Variants in TLN2 observed in about 807,000 individuals in gnomAD.
TLN2 encodes talin 2, also known as talin-2.
A neutral mutation model predicts 294.7 loss-of-function variants in TLN2; 118 were observed. The ratio of observed to expected loss-of-function variants is 0.40; its 90% CI spans 0.34 to 0.47. The LOEUF (loss-of-function observed/expected upper bound fraction) is 0.47, where lower values mean the gene tolerates loss of function less well. Ranked by LOEUF, TLN2 falls within the 20% of genes least tolerant of loss-of-function variation. TLN2 has a pLI of 0.84. For missense variants in TLN2, 3,083 were observed against 3,282.2 expected (o/e 0.94, Z 1.48); for synonymous variants, 1,431 against 1,304.5 (o/e 1.10, Z -2.09).
intron 24 of TLN2, among the ~76,000 whole-genome samples, chr15:62,718,009 C>G (rs957113493): frequency 6.6e-6 from 1 of 152,198 alleles, no homozygotes; most frequent in African/African-American, 2.4e-5. Flanking sequence ...TTCCAGAGTG[C>G]CTTTCTTTGA....
chr15:62,716,270 G>A, intron 22 of TLN2, 61 bp from the exon 23 acceptor site: 2 of 1,440,964 alleles, frequency 1.4e-6, no homozygotes, highest in Admixed American at 5.4e-5. Flanking sequence ...TAATACTGAA[G>A]GCATGAATTC....
chr15:62,751,384 A>G (rs1014972184), intron 34 of TLN2, among the ~76,000 whole-genome samples: 3 of 152,218 alleles, frequency 2.0e-5, no homozygotes, highest in African/African-American at 7.2e-5. Context: ...CTCATCCAGT[A>G]CCTTTTATGG....
At chr15:62,700,033 T>G (rs2058616945) in intron 16 of TLN2, among the ~76,000 whole-genome samples, 1 of 151,924 alleles carries the variant, frequency 6.6e-6, no homozygotes. Flanking sequence ...GAATGCTGAG[T>G]TTTTCATTTG....
At chr15:62,435,870 A>G (rs1045522977) in intron 1 of TLN2, among the ~76,000 whole-genome samples, 2 of 152,218 alleles carry the variant, frequency 1.3e-5, no homozygotes, top group Non-Finnish European at 1.5e-5. Context: ...GGAAATTAGC[A>G]TCTGTCACAT....
intron 52 of TLN2, among the ~76,000 whole-genome samples, chr15:62,816,180 C>T (rs1050857760): frequency 2.6e-5 from 4 of 152,182 alleles, no homozygotes; most frequent in African/African-American, 9.7e-5. Context: ...GATCTAATTT[C>T]GACAGAGCCA....
At chr15:62,628,504 G>A (rs1415880293) in intron 3 of TLN2, among the ~76,000 whole-genome samples, 1 of 152,218 alleles carries the variant, frequency 6.6e-6, no homozygotes, top group Non-Finnish European at 1.5e-5. Flanking sequence ...ATGAATTACA[G>A]TAGAGATTAT....
intron 1 of TLN2, among the ~76,000 whole-genome samples, chr15:62,484,186 GTTTA>G (rs1421011260): frequency 6.6e-6 from 1 of 152,184 alleles, no homozygotes; most frequent in African/African-American, 2.4e-5. Context: ...GCTGGGGGTA[GTTTA>G]CTGATGAAGT....
At chr15:62,707,387 G>C in intron 20 of TLN2, 134 bp downstream of exon 20, 2 of 1,084,396 alleles carry the variant, frequency 1.8e-6, no homozygotes, top group Non-Finnish European at 2.5e-6. Flanking sequence ...AGTGTCTTAA[G>C]TGATGATAGG....
chr15:62,634,829 C>T (rs2050229212), intron 3 of TLN2, among the ~76,000 whole-genome samples: 2 of 152,272 alleles, frequency 1.3e-5, no homozygotes, highest in African/African-American at 4.8e-5. Context: ...TGCACATCCA[C>T]ATGGCTTTCT....
intron 43 of TLN2, among the ~76,000 whole-genome samples, chr15:62,779,394 C>T (rs2063950238): frequency 6.6e-6 from 1 of 152,174 alleles, no homozygotes; most frequent in Non-Finnish European, 1.5e-5. Flanking sequence ...CAAACAAAAA[C>T]TGTGCCATCT....
chr15:62,716,564 G>T, intron 23 of TLN2, 105 bp downstream of exon 23: 1 of 1,394,438 alleles, frequency 7.2e-7, no homozygotes, highest in Non-Finnish European at 9.4e-7. Flanking sequence ...AGAAAGCCAA[G>T]TCAAGGTTCA....
At chr15:62,561,798 G>A (rs1183750046) in intron 1 of TLN2, among the ~76,000 whole-genome samples, 1 of 152,068 alleles carries the variant, frequency 6.6e-6, no homozygotes, top group Admixed American at 6.6e-5. Context: ...GAGCCACTGA[G>A]GAATTCTCCC....
intron 54 of TLN2, among the ~76,000 whole-genome samples, chr15:62,826,983 A>G (rs938859980): frequency 1.3e-5 from 2 of 152,214 alleles, no homozygotes; most frequent in Non-Finnish European, 2.9e-5. Context: ...CCCCACTGGA[A>G]AGATGACACG....
chr15:62,620,334 C>T (rs1201705307), intron 3 of TLN2, among the ~76,000 whole-genome samples: 1 of 152,078 alleles, frequency 6.6e-6, no homozygotes, highest in Admixed American at 6.5e-5. Flanking sequence ...AATATATAAG[C>T]AAATTTACCA....
At chr15:62,787,664 G>C (rs1203876479) in intron 45 of TLN2, among the ~76,000 whole-genome samples, 1 of 151,002 alleles carries the variant, frequency 6.6e-6, no homozygotes, top group Non-Finnish European at 1.5e-5. Flanking sequence ...CTATTGCATG[G>C]AGAAGCTTAG....
rs768709967 is a variant in TLN2, at chr15:62,653,232, C to T, written c.435C>T (p.Gly145=). Residue 145 remains glycine (G), a synonymous_variant, in exon 7 of 59, where the codon GGC becomes GGT. Transcript: ENST00000636159. ...TIEEKKEEGT[G]TLKKDRTLLR... ...AAGAAAAGAAAGAGGAAGGAACGGGCACACTCAAAAAAGACAGGACACTGT... is the reference window on the plus strand; with the variant it reads ...AAGAAAAGAAAGAGGAAGGAACGGGTACACTCAAAAAAGACAGGACACTGT... 6.2e-7 allele frequency: 1 copy of T among 1,612,818 alleles called. No homozygotes were observed.
rs559703202 is a variant in TLN2, at chr15:62,578,768, C to T, written c.-237-10919C>T. 5.9e-5 allele frequency among the ~76,000 whole-genome samples: 9 copies of T among 152,266 alleles called. No homozygotes were observed. The South Asian group carries it at 1.0e-3, about 18-fold the overall frequency. On this transcript the variant is annotated intron_variant, in intron 1 of 58. Coordinates refer to ENST00000636159, the MANE Select transcript of TLN2 (RefSeq NM_015059.3). The stretch of plus-strand genomic sequence containing the variant: ...TGCTCGTGTGTCCCTCGCATCAGCT[C>T]GTGAGGGAGGCCCTGGCATCGGCCT...
chr15:62,756,887 CAA>C (rs775060166), intron 37 of TLN2, among the ~76,000 whole-genome samples: 3 of 140,922 alleles, frequency 2.1e-5, no homozygotes, highest in Non-Finnish European at 4.7e-5. Context: ...GCTGTTTAAA[CAA>C]AGAGTCTTTT....
chr15:62,778,960 C>T (rs2063918512), intron 43 of TLN2, among the ~76,000 whole-genome samples: 1 of 152,218 alleles, frequency 6.6e-6, no homozygotes, highest in South Asian at 2.1e-4. Flanking sequence ...CTTTGGGTCC[C>T]TGTGCAGCAA....
Sources: allele counts gnomAD v4.1 joint callset (sites outside exome capture counted in the v4.1 genomes callset), GRCh38; gene constraint gnomAD v4.1.1; transcripts MANE v1.5; gene names NCBI Gene and HGNC (gene_info 2026-07-23, HGNC 2026-07-21).